HTR2C: variants seen among roughly 807,000 people sequenced by gnomAD.
HTR2C encodes the protein 5-hydroxytryptamine receptor 2C.
A neutral mutation model predicts 21.0 loss-of-function variants in HTR2C; 5 were observed. That is an observed-to-expected ratio of 0.24 (90% CI 0.12 to 0.50). HTR2C has a LOEUF of 0.50. HTR2C is among the 20% of genes least tolerant of loss of function. The probability of loss-of-function intolerance (pLI) is 0.98; values close to 1 mark genes in which losing one functional copy is unlikely to be tolerated. For missense variants in HTR2C, 271 were observed against 371.2 expected (o/e 0.73, Z 2.22); for synonymous variants, 150 against 145.3 (o/e 1.03, Z -0.23).
At chrX:114,613,995 A>C (rs1556399294) in intron 2 of HTR2C, 114 bp downstream of exon 2, 1 of 111,162 alleles carries the variant, frequency 9.0e-6, no homozygotes, top group Non-Finnish European at 1.9e-5. Context: ...GAACTAGTAA[A>C]ACATATGCCA....
At chrX:114,734,564 T>TAAAAAAAAAAA (rs61672860) in intron 4 of HTR2C, among the ~76,000 whole-genome samples, 16 of 34,298 alleles carry the variant, frequency 4.7e-4, no homozygotes, top group African/African-American at 1.8e-3. Context: ...GCCTTACATG[T>TAAAAAAAAAAA]AAAAAAAAAA....
chrX:114,611,833 G>T (rs1928749391), intron 1 of HTR2C, among the ~76,000 whole-genome samples: 1 of 111,245 alleles, frequency 9.0e-6, no homozygotes, highest in Admixed American at 9.5e-5. Context: ...GAGTAGCTGA[G>T]ACTATAGGCG....
chrX:114,797,886 C>A (rs1347392161), intron 4 of HTR2C, among the ~76,000 whole-genome samples: 1 of 111,721 alleles, frequency 9.0e-6, no homozygotes, highest in African/African-American at 3.2e-5. Context: ...GACTGGGAAA[C>A]AAGAGTAAAA....
At chrX:114,661,526 A>G (rs1930988858) in intron 2 of HTR2C, among the ~76,000 whole-genome samples, 1 of 110,629 alleles carries the variant, frequency 9.0e-6, no homozygotes, top group South Asian at 3.9e-4. Context: ...GCTAGTAATG[A>G]CACCTGGCTA....
intron 2 of HTR2C, among the ~76,000 whole-genome samples, chrX:114,654,563 CTGAAACT>C (rs1369932477): frequency 9.2e-6 from 1 of 109,108 alleles, no homozygotes; most frequent in Non-Finnish European, 1.9e-5. Flanking sequence ...TTTACTGGCA[CTGAAACT>C]TTACCCCACA....
At chrX:114,654,806 G>C (rs1051833929) in intron 2 of HTR2C, among the ~76,000 whole-genome samples, 1 of 110,645 alleles carries the variant, frequency 9.0e-6, no homozygotes, top group African/African-American at 3.3e-5. Context: ...AACCCAGCTA[G>C]AAGGTAGAGG....
intron 2 of HTR2C, among the ~76,000 whole-genome samples, chrX:114,700,860 A>G (rs980250453): frequency 4.4e-5 from 5 of 112,423 alleles, no homozygotes. Flanking sequence ...CCACCCCAAT[A>G]CTGCGCTTTT....
At chrX:114,643,708 A>G (rs1173462614) in intron 2 of HTR2C, among the ~76,000 whole-genome samples, 2 of 111,948 alleles carry the variant, frequency 1.8e-5, no homozygotes, top group African/African-American at 6.5e-5. Context: ...GTTATTAATT[A>G]CATGTTCTTG....
chrX:114,776,722 C>G, intron 4 of HTR2C: 1 of 442,256 alleles, frequency 2.3e-6, no homozygotes, highest in South Asian at 2.5e-5. Context: ...GGAAAACACC[C>G]ACACAAGAGT....
intron 2 of HTR2C, among the ~76,000 whole-genome samples, chrX:114,675,690 A>G (rs1727290385): frequency 8.9e-6 from 1 of 111,758 alleles, no homozygotes; most frequent in Admixed American, 9.6e-5. Context: ...TCATCATACA[A>G]TATGTGATGA....
At chrX:114,810,518 T>C (rs1310786780) in intron 4 of HTR2C, among the ~76,000 whole-genome samples, 16 of 109,343 alleles carry the variant, frequency 1.5e-4, no homozygotes, top group Non-Finnish European at 1.9e-5. Flanking sequence ...GGCTGATTTC[T>C]GCCCCATGTT....
intron 1 of HTR2C, among the ~76,000 whole-genome samples, chrX:114,597,745 A>G (rs782165714): frequency 4.6e-4 from 51 of 112,003 alleles, no homozygotes; most frequent in African/African-American, 1.6e-3. Context: ...ATCTCTGGAG[A>G]TAGAATTTCG....
intron 4 of HTR2C, among the ~76,000 whole-genome samples, chrX:114,811,241 CA>C (rs1445362396): frequency 9.0e-6 from 1 of 110,634 alleles, no homozygotes; most frequent in East Asian, 2.8e-4. Flanking sequence ...AAAATATAAG[CA>C]CTATTAATGG....
intron 4 of HTR2C, among the ~76,000 whole-genome samples, chrX:114,833,034 A>C (rs2070744327): frequency 1.1e-5 from 1 of 87,720 alleles, no homozygotes; most frequent in African/African-American, 4.0e-5. Flanking sequence ...CCAGCCTTGC[A>C]TCCCAGGGAT....
chrX:114,714,639 T>C (rs1204070645), intron 2 of HTR2C, among the ~76,000 whole-genome samples: 1 of 112,475 alleles, frequency 8.9e-6, no homozygotes, highest in African/African-American at 3.2e-5. Flanking sequence ...AAGTAAGATT[T>C]AATTGTAACC....
At chrX:114,813,320 C>G (rs1556453352) in intron 4 of HTR2C, among the ~76,000 whole-genome samples, 1 of 111,596 alleles carries the variant, frequency 9.0e-6, no homozygotes. Flanking sequence ...AACCACAAAT[C>G]CTGTTCCCAT....
intron 4 of HTR2C, among the ~76,000 whole-genome samples, chrX:114,815,109 GT>G (rs2070572711): frequency 9.3e-6 from 1 of 107,425 alleles, no homozygotes; most frequent in South Asian, 3.8e-4. Flanking sequence ...TCCTCAACAG[GT>G]TTTCCTAGGA....
At chrX:114,600,506 A>C (rs1481399735) in intron 1 of HTR2C, among the ~76,000 whole-genome samples, 2 of 111,573 alleles carry the variant, frequency 1.8e-5, no homozygotes, top group Non-Finnish European at 3.8e-5. Flanking sequence ...AATAGTAATA[A>C]AGATGGAAAA....
At chrX:114,879,879 G>T (rs781912107) in intron 5 of HTR2C, among the ~76,000 whole-genome samples, 3 of 110,523 alleles carry the variant, frequency 2.7e-5, no homozygotes, top group African/African-American at 9.8e-5. Context: ...TTGCAATTGC[G>T]AATTGTGCTA....
Sources: gnomAD v4.1 joint callset for allele counts (sites outside exome capture counted in the v4.1 genomes callset) on GRCh38, gnomAD v4.1.1 for gene constraint, MANE v1.5 for transcripts, NCBI Gene and HGNC (gene_info 2026-07-23, HGNC 2026-07-21) for gene names.